Variants in PKHD1L1 observed in about 807,000 individuals in gnomAD.
The protein encoded by PKHD1L1 is fibrocystin-L.
PKHD1L1 carries 434 observed loss-of-function variants against 462.9 expected under a neutral mutation model. That is an observed-to-expected ratio of 0.94 (90% CI 0.87 to 1.02). PKHD1L1 has a LOEUF of 1.02. PKHD1L1 is among the 50% of genes least tolerant of loss of function. The pLI, the probability that PKHD1L1 is intolerant of heterozygous loss-of-function variation, is 0.00. For synonymous variants in PKHD1L1, 1,781 were observed against 1,750.0 expected, an observed-to-expected ratio of 1.02 and a Z score of -0.44; for missense variants, 5,202 against 5,096.1, an observed-to-expected ratio of 1.02 and a Z score of -0.63.
At chr8:109,521,043 C>T (rs537840433) in intron 73 of PKHD1L1, among the ~76,000 whole-genome samples, 1 of 152,108 alleles carries the variant, frequency 6.6e-6, no homozygotes, top group South Asian at 2.1e-4. Context: ...AAGGCTGTTT[C>T]TGGAGGGAGT....
intron 27 of PKHD1L1, among the ~76,000 whole-genome samples, chr8:109,431,134 A>G (rs1201346953): frequency 6.6e-6 from 1 of 152,058 alleles, no homozygotes; most frequent in Non-Finnish European, 1.5e-5. Flanking sequence ...CACTCAGATA[A>G]TTTTTGTATT....
chr8:109,469,640 A>G lies in PKHD1L1; in HGVS notation c.8605+2871A>G, dbSNP rs1292990941. Among the ~76,000 whole-genome samples, 3 of 152,148 alleles carry G rather than the reference A, an allele frequency of 2.0e-5. No individual in the cohort carries two copies. In the East Asian group the frequency reaches 5.8e-4, roughly 29 times the overall value. On this transcript the variant is annotated intron_variant, in intron 50 of 77. Transcript: ENST00000378402. ...ATAAGTTATTACATTTAATTTTAAA[A>G]CATTTTTTCTAGGTTTTTTTCCCCT...
chr8:109,499,839 G>A (rs1265429232), intron 67 of PKHD1L1, among the ~76,000 whole-genome samples: 1 of 152,170 alleles, frequency 6.6e-6, no homozygotes, highest in Non-Finnish European at 1.5e-5. Context: ...CTGAAGGGCA[G>A]CTATACTTGA....
intron 72 of PKHD1L1, among the ~76,000 whole-genome samples, chr8:109,516,765 C>T (rs1019278792): frequency 2.6e-5 from 4 of 152,022 alleles, no homozygotes; most frequent in Admixed American, 1.3e-4. Context: ...AAATTGTTCA[C>T]TCTTTTCAAA....
At chr8:109,446,004 CT>C (rs1437170527) in intron 38 of PKHD1L1, among the ~76,000 whole-genome samples, 2 of 152,164 alleles carry the variant, frequency 1.3e-5, no homozygotes, top group Admixed American at 6.5e-5. Flanking sequence ...AAGTTACAAT[CT>C]TACTTACATT....
At chr8:109,451,953 A>G (rs900816003) in intron 41 of PKHD1L1, among the ~76,000 whole-genome samples, 171 bp from the exon 42 acceptor site, 1 of 152,116 alleles carries the variant, frequency 6.6e-6, no homozygotes. Context: ...CTTTTTTTCA[A>G]TAAATATTTT....
intron 2 of PKHD1L1, among the ~76,000 whole-genome samples, chr8:109,379,358 T>G (rs563027968): frequency 6.6e-6 from 1 of 152,340 alleles, no homozygotes; most frequent in East Asian, 1.9e-4. Flanking sequence ...TGCCATAGAA[T>G]TCCATAAAAT....
chr8:109,448,682 T>A (rs2130774878), intron 39 of PKHD1L1, among the ~76,000 whole-genome samples: 1 of 151,958 alleles, frequency 6.6e-6, no homozygotes, highest in South Asian at 2.1e-4. Flanking sequence ...TGGCTAATTT[T>A]TTTTTGTATT....
rs781007134 is a variant in PKHD1L1 at position 109,465,224 on chromosome 8, G to C, written c.8392G>C (p.Asp2798His). 6.2e-7 allele frequency: 1 copy of C among 1,612,972 alleles called. No homozygotes were observed. The highest frequency in any genetic ancestry group is 8.5e-7 in the Non-Finnish European group (1 of 1,179,310). ...FRWEHEMVMI[D>H]VDGSLTGHKG... The stretch of plus-strand genomic sequence containing the variant: ...CTGGGAACATGAAATGGTAATGATT[G>C]ATGTTGATGGCTCACTTACAGGTAA... The change falls in exon 49 of 78, where the codon GAT (aspartate) becomes CAT (histidine). Residue 2798 changes from aspartate to histidine, a missense_variant. Asp to His is a moderately conservative substitution (Grantham distance 81). Around this residue, in one of 3 missense-constraint regions of PKHD1L1, gnomAD observed 4,497 missense variants for 4,336.8 expected, o/e 1.04. Coordinates refer to ENST00000378402, the MANE Select transcript of PKHD1L1 (RefSeq NM_177531.6).
intron 74 of PKHD1L1, 138 bp downstream of exon 74, chr8:109,522,475 T>C: frequency 2.8e-6 from 3 of 1,084,236 alleles, no homozygotes. Flanking sequence ...TGACTTTTTA[T>C]AGGCTCGCTA....
chr8:109,422,231 G>A (rs760633989), intron 23 of PKHD1L1, among the ~76,000 whole-genome samples: 2 of 152,098 alleles, frequency 1.3e-5, no homozygotes. Flanking sequence ...GTGTGTGTGT[G>A]TGTGCGTGTT....
intron 16 of PKHD1L1, among the ~76,000 whole-genome samples, chr8:109,405,384 T>A (rs1285193306): frequency 6.6e-6 from 1 of 152,132 alleles, no homozygotes; most frequent in Non-Finnish European, 1.5e-5. Flanking sequence ...GCACATGGAA[T>A]TTATATATTT....
intron 63 of PKHD1L1, among the ~76,000 whole-genome samples, chr8:109,494,527 C>A (rs376856158): frequency 6.6e-6 from 1 of 151,848 alleles, no homozygotes; most frequent in Non-Finnish European, 1.5e-5. Flanking sequence ...TAAAGCCAGA[C>A]GATGGAACAC....
chr8:109,508,887 G>C (rs1324784309), intron 70 of PKHD1L1, among the ~76,000 whole-genome samples: 1 of 152,098 alleles, frequency 6.6e-6, no homozygotes, highest in African/African-American at 2.4e-5. Flanking sequence ...CAGCTTAGGA[G>C]ACCAAGGCTT....
At chr8:109,365,950 GC>G (rs780779505) in intron 2 of PKHD1L1, among the ~76,000 whole-genome samples, 23 of 152,142 alleles carry the variant, frequency 1.5e-4, no homozygotes, top group Non-Finnish European at 2.5e-4. Flanking sequence ...CTCCAGCCTG[GC>G]GACAGAGCGA....
chr8:109,374,780 G>A (rs1811715930), intron 2 of PKHD1L1, among the ~76,000 whole-genome samples: 1 of 152,106 alleles, frequency 6.6e-6, no homozygotes, highest in African/African-American at 2.4e-5. Flanking sequence ...GGCTGGATAT[G>A]AAATTCTGGG....
intron 31 of PKHD1L1, 61 bp from the exon 32 acceptor site, chr8:109,438,836 A>C (rs1815596317): frequency 3.2e-6 from 4 of 1,263,424 alleles, no homozygotes; most frequent in Non-Finnish European, 4.3e-6. Context: ...TTAATATGCA[A>C]ATTTCACACT....
At chr8:109,441,712 A>T (rs562401598) in intron 34 of PKHD1L1, among the ~76,000 whole-genome samples, 1 of 152,152 alleles carries the variant, frequency 6.6e-6, no homozygotes, top group South Asian at 2.1e-4. Flanking sequence ...CTTTAAAAAT[A>T]TTCTATGTAA....
intron 38 of PKHD1L1, among the ~76,000 whole-genome samples, chr8:109,446,959 C>T (rs1002930574): frequency 2.0e-5 from 3 of 152,196 alleles, no homozygotes; most frequent in Non-Finnish European, 4.4e-5. Flanking sequence ...TGCGGTGGCT[C>T]ACGCCTGTAA....
Sources: allele counts gnomAD v4.1 joint callset (sites outside exome capture counted in the v4.1 genomes callset), GRCh38; gene constraint gnomAD v4.1.1; regional missense constraint gnomAD v4.1.1; transcripts MANE v1.5; gene names NCBI Gene and HGNC (gene_info 2026-07-23, HGNC 2026-07-21).